The following LRRTM4 variants were observed in gnomAD, a reference collection of about 807,000 sequenced individuals.
LRRTM4 encodes leucine rich repeat transmembrane neuronal 4.
In LRRTM4, 25 loss-of-function variants were observed where a neutral mutation model predicts 47.6. The ratio of observed to expected loss-of-function variants is 0.53; its 90% confidence interval spans 0.38 to 0.73. The LOEUF is 0.73. Among genes scored for constraint, LRRTM4 ranks in the 30% least tolerant of loss-of-function variants. The probability of loss-of-function intolerance (pLI) is 0.00; values close to 1 mark genes in which losing one functional copy is unlikely to be tolerated. For missense variants in LRRTM4, 638 were observed against 713.4 expected (o/e 0.89, Z 1.20); for synonymous variants, 311 against 269.5 (o/e 1.15, Z -1.51).
intron 3 of LRRTM4, among the ~76,000 whole-genome samples, chr2:77,420,800 A>T (rs1674845925): frequency 6.8e-6 from 1 of 146,002 alleles, no homozygotes; most frequent in South Asian, 2.1e-4. Context: ...TATATAATAC[A>T]TATATAATAT....
At chr2:77,324,292 T>C (rs1670674737) in intron 3 of LRRTM4, among the ~76,000 whole-genome samples, 1 of 152,016 alleles carries the variant, frequency 6.6e-6, no homozygotes, top group Admixed American at 6.6e-5. Flanking sequence ...GCAGATAAGG[T>C]TTTTACCTTC....
intron 3 of LRRTM4, among the ~76,000 whole-genome samples, chr2:77,047,323 C>A (rs1679267262): frequency 6.6e-6 from 1 of 151,916 alleles, no homozygotes; most frequent in African/African-American, 2.4e-5. Flanking sequence ...AGTGCTGGCA[C>A]AGAAGTTAAA....
At chr2:76,927,583 T>C (rs1447691775) in intron 3 of LRRTM4, among the ~76,000 whole-genome samples, 1 of 152,160 alleles carries the variant, frequency 6.6e-6, no homozygotes, top group African/African-American at 2.4e-5. Flanking sequence ...AGCCAATACC[T>C]TTCTCTATTC....
chr2:77,061,762 T>C (rs1263803465), intron 3 of LRRTM4, among the ~76,000 whole-genome samples: 2 of 152,210 alleles, frequency 1.3e-5, no homozygotes, highest in East Asian at 3.9e-4. Context: ...GAAACTATGA[T>C]TCATTAATGT....
chr2:76,808,867 A>G (rs553979104), intron 3 of LRRTM4, among the ~76,000 whole-genome samples: 5 of 151,980 alleles, frequency 3.3e-5, no homozygotes, highest in Non-Finnish European at 5.9e-5. Flanking sequence ...CAATCTTCCC[A>G]TTTTAAAAAG....
chr2:77,303,278 C>A lies in LRRTM4; in HGVS notation c.1551+215040G>T, dbSNP rs180710748. Reference sequence around the variant, plus strand: ...CTCCATCTCAAAACAAACAAACAAACAAAAAAAAATGGTGTCCTTTCTTGT... The same window carrying A: ...CTCCATCTCAAAACAAACAAACAAAAAAAAAAAAATGGTGTCCTTTCTTGT... On this transcript the variant is annotated intron_variant, in intron 3 of 3. Transcript: ENST00000409884. 3.5e-3 allele frequency among the ~76,000 whole-genome samples: 523 copies of A among 149,770 alleles called. 2 individuals are homozygous for A. Among genetic ancestry groups the A allele is most frequent in the African/African-American group, 0.012 (488 of 40,776 alleles).
At chr2:76,785,488 C>T (rs941627464) in intron 3 of LRRTM4, among the ~76,000 whole-genome samples, 2 of 152,040 alleles carry the variant, frequency 1.3e-5, no homozygotes, top group East Asian at 1.9e-4. Flanking sequence ...CATATGGGTA[C>T]GTCAGTCTCT....
At chr2:76,987,383 A>G (rs1676840231) in intron 3 of LRRTM4, 1 of 151,892 alleles carries the variant, frequency 6.6e-6, no homozygotes, top group African/African-American at 2.4e-5. Flanking sequence ...TTATATGTCT[A>G]TATATTCTCT....
At chr2:77,214,544 T>C (rs999402158) in intron 3 of LRRTM4, among the ~76,000 whole-genome samples, 3 of 152,188 alleles carry the variant, frequency 2.0e-5, no homozygotes, top group Admixed American at 1.3e-4. Flanking sequence ...TGCTAACTTA[T>C]TTTGACATTT....
chr2:76,822,940 C>G (rs1456753016), intron 3 of LRRTM4, among the ~76,000 whole-genome samples: 1 of 150,892 alleles, frequency 6.6e-6, no homozygotes, highest in Non-Finnish European at 1.5e-5. Context: ...ATTTATGAAG[C>G]AATAAAAAAC....
At chr2:77,417,537 A>G (rs1488243585) in intron 3 of LRRTM4, among the ~76,000 whole-genome samples, 3 of 152,308 alleles carry the variant, frequency 2.0e-5, no homozygotes, top group East Asian at 3.9e-4. Flanking sequence ...TGTGGCACAT[A>G]TACACCATGG....
intron 3 of LRRTM4, among the ~76,000 whole-genome samples, chr2:77,255,068 T>A (rs1675726132): frequency 6.6e-6 from 1 of 152,002 alleles, no homozygotes; most frequent in Admixed American, 6.6e-5. Flanking sequence ...ATGATATATG[T>A]GGTTTAAAAG....
intron 3 of LRRTM4, among the ~76,000 whole-genome samples, chr2:77,439,234 C>T (rs1192810282): frequency 1.3e-5 from 2 of 152,158 alleles, no homozygotes; most frequent in African/African-American, 4.8e-5. Flanking sequence ...TTCCCGCGTA[C>T]AGCTCTTAGA....
At chr2:77,110,294 A>C (rs1379914376) in intron 3 of LRRTM4, among the ~76,000 whole-genome samples, 5 of 152,184 alleles carry the variant, frequency 3.3e-5, no homozygotes, top group African/African-American at 9.6e-5. Flanking sequence ...ATTTATGTTC[A>C]GCAAAACCAC....
chr2:76,990,744 G>T (rs1340988449), intron 3 of LRRTM4, among the ~76,000 whole-genome samples: 8 of 151,418 alleles, frequency 5.3e-5, no homozygotes, highest in African/African-American at 1.5e-4. Context: ...AGATCATTGA[G>T]GCAGAAAACT....
At chr2:76,928,475 G>A (rs116526660) in intron 3 of LRRTM4, among the ~76,000 whole-genome samples, 1,817 of 152,208 alleles carry the variant, frequency 0.012, 36 homozygotes, top group African/African-American at 0.041. Context: ...CCACGGAGGA[G>A]CTTTGAGGAT....
rs75584036 is a variant in LRRTM4 at position 77,084,130 on chromosome 2, A to G, written c.1552-335214T>C. Among the ~76,000 whole-genome samples, 518 of 152,268 alleles carry G rather than the reference A, an allele frequency of 3.4e-3. 2 individuals are homozygous for G. The highest frequency in any genetic ancestry group is 0.012 in the African/African-American group (478 of 41,552). On this transcript the variant is annotated intron_variant, in intron 3 of 3. Coordinates refer to ENST00000409884, the MANE Select transcript of LRRTM4 (RefSeq NM_001134745.3). ...CTGGACACATAATTTGTTTAAAAAT[A>G]AAGTGTGTAACTAAGGTCTCACCGA...
intron 3 of LRRTM4, among the ~76,000 whole-genome samples, chr2:77,424,226 A>T (rs6547144): frequency 0.42 from 63,316 of 151,942 alleles, 14,082 homozygotes; most frequent in African/African-American, 0.58. Context: ...ATATAGCAAG[A>T]GTTCTGTACA....
intron 3 of LRRTM4, among the ~76,000 whole-genome samples, chr2:77,310,778 T>C (rs1047206664): frequency 6.6e-6 from 1 of 152,182 alleles, no homozygotes; most frequent in African/African-American, 2.4e-5. Context: ...CAGACTACCA[T>C]GATTTTTTAA....
Sources: gnomAD v4.1 joint callset for allele counts (sites outside exome capture counted in the v4.1 genomes callset) on GRCh38, gnomAD v4.1.1 for gene constraint, MANE v1.5 for transcripts, NCBI Gene and HGNC (gene_info 2026-07-23, HGNC 2026-07-21) for gene names.